Variants in BLTP3A observed in about 807,000 individuals in gnomAD.
BLTP3A encodes bridge-like lipid transfer protein family member 3A.
the BLTP3A span, among the ~76,000 whole-genome samples, chr6:34,811,492 G>A: frequency 1.3e-5 from 2 of 152,162 alleles, no homozygotes; most frequent in Non-Finnish European, 2.9e-5. Flanking sequence ...TCAACACTTT[G>A]TGAGGCTGAA....
At chr6:34,817,149 T>G in the BLTP3A span, among the ~76,000 whole-genome samples, 1 of 152,194 alleles carries the variant, frequency 6.6e-6, no homozygotes, top group Admixed American at 6.5e-5. Flanking sequence ...TTTGTTGTTG[T>G]CTTATTAGGA....
chr6:34,854,665 G>T, the BLTP3A span, among the ~76,000 whole-genome samples: 3 of 152,196 alleles, frequency 2.0e-5, no homozygotes, highest in Non-Finnish European at 4.4e-5. Context: ...GAAACATTGT[G>T]TAGGGGTCTC....
chr6:34,825,724 TATG>T, the BLTP3A span, among the ~76,000 whole-genome samples: 7 of 152,246 alleles, frequency 4.6e-5, no homozygotes, highest in African/African-American at 1.7e-4. Flanking sequence ...GGTTTCAACA[TATG>T]ATGAATTTTG....
the BLTP3A span, chr6:34,856,346 G>T: frequency 6.2e-7 from 1 of 1,614,214 alleles, no homozygotes; most frequent in Non-Finnish European, 8.5e-7. Context: ...GAAGTGGCAT[G>T]AAGAGACGGG....
the BLTP3A span, among the ~76,000 whole-genome samples, chr6:34,803,423 C>T: frequency 1.3e-5 from 2 of 152,234 alleles, no homozygotes; most frequent in South Asian, 2.1e-4. Context: ...ATTTTGCCCT[C>T]AGTGCTTTGC....
At chr6:34,798,594 C>CTTTTTTTTTTTTTTTATTTTTTTTTTTTT in the BLTP3A span, among the ~76,000 whole-genome samples, 1 of 94,500 alleles carries the variant, frequency 1.1e-5, no homozygotes, top group Non-Finnish European at 2.0e-5. Flanking sequence ...TTCTTTCTTT[C>CTTTTTTTTTTTTTTTATTTTTTTTTTTTT]TTTTTTTTTT....
At chr6:34,855,470 A>G in the BLTP3A span, 935 of 827,344 alleles carry the variant, frequency 1.1e-3, 8 homozygotes, top group African/African-American at 0.014. Context: ...CAGCCTTGCA[A>G]ATCACCTCAC....
the BLTP3A span, among the ~76,000 whole-genome samples, chr6:34,802,850 G>T: frequency 1.3e-5 from 2 of 152,162 alleles, no homozygotes; most frequent in African/African-American, 2.4e-5. Context: ...AATCATGTGC[G>T]TAAGTAAGTA....
chr6:34,847,729 C>T, the BLTP3A span, among the ~76,000 whole-genome samples: 1 of 147,478 alleles, frequency 6.8e-6, no homozygotes, highest in Non-Finnish European at 1.5e-5. Flanking sequence ...TTTATCTTTT[C>T]AAAAAAACTT....
At chr6:34,858,532 AT>A in the BLTP3A span, 1 of 1,614,108 alleles carries the variant, frequency 6.2e-7, no homozygotes, top group Non-Finnish European at 8.5e-7. Context: ...CCCCCTGTCC[AT>A]TTGGGCCTGC....
At chr6:34,863,227 C>T in the BLTP3A span, among the ~76,000 whole-genome samples, 166 of 152,182 alleles carry the variant, frequency 1.1e-3, 1 homozygote, top group African/African-American at 3.8e-3. Flanking sequence ...TTAATTCTAC[C>T]TTTAACTGTA....
the BLTP3A span, among the ~76,000 whole-genome samples, chr6:34,795,013 T>C: frequency 5.3e-5 from 8 of 152,014 alleles, no homozygotes; most frequent in Non-Finnish European, 8.8e-5. Context: ...GGTCTCGATC[T>C]CCTGACCTCG....
the BLTP3A span, among the ~76,000 whole-genome samples, chr6:34,826,888 C>T: frequency 1.3e-5 from 2 of 152,180 alleles, no homozygotes; most frequent in Non-Finnish European, 2.9e-5. Flanking sequence ...AGACATCTCT[C>T]CAAGGAGCCC....
the BLTP3A span, among the ~76,000 whole-genome samples, chr6:34,803,261 C>CT: frequency 6.6e-6 from 1 of 151,668 alleles, no homozygotes; most frequent in Non-Finnish European, 1.5e-5. Flanking sequence ...TGAGTTGAGT[C>CT]TGTTAGGGTT....
the BLTP3A span, among the ~76,000 whole-genome samples, chr6:34,805,757 A>AAG: frequency 6.7e-6 from 1 of 149,006 alleles, no homozygotes; most frequent in African/African-American, 2.4e-5. Context: ...AAAAAAAAAA[A>AAG]AAAGTATAAA....
At chr6:34,856,121 A>G in the BLTP3A span, 2 of 1,334,606 alleles carry the variant, frequency 1.5e-6, no homozygotes, top group South Asian at 2.9e-5. Flanking sequence ...TATCCTAGAG[A>G]TTTCTGCACT....
chr6:34,856,435 C>T, the BLTP3A span: 5 of 1,605,604 alleles, frequency 3.1e-6, no homozygotes, highest in Non-Finnish European at 3.4e-6. Context: ...CTGGAAGACT[C>T]CAGTTGCTTA....
chr6:34,796,049 A>G, the BLTP3A span, among the ~76,000 whole-genome samples: 1 of 152,216 alleles, frequency 6.6e-6, no homozygotes, highest in Non-Finnish European at 1.5e-5. Flanking sequence ...GGGAGGAACT[A>G]TGACTCTGTG....
chr6:34,868,387 G>A, the BLTP3A span, among the ~76,000 whole-genome samples: 2 of 151,924 alleles, frequency 1.3e-5, no homozygotes, highest in African/African-American at 4.8e-5. Context: ...GGGAAGCTGA[G>A]GTGGGAAACC....
Sources: gnomAD v4.1 joint callset for allele counts (sites outside exome capture counted in the v4.1 genomes callset) on GRCh38, gnomAD v4.1.1 for gene constraint, MANE v1.5 for transcripts, NCBI Gene and HGNC (gene_info 2026-07-23, HGNC 2026-07-21) for gene names.